The following CTDSPL variants were observed in gnomAD, a reference collection of about 807,000 sequenced individuals.
The protein encoded by CTDSPL is CTD small phosphatase-like protein.
A neutral mutation model predicts 30.5 loss-of-function variants in CTDSPL; 8 were observed. The ratio of observed to expected loss-of-function variants is 0.26; its 90% CI spans 0.15 to 0.47. CTDSPL has a LOEUF of 0.47. CTDSPL is among the 20% of genes least tolerant of loss of function. The pLI is 0.99. For synonymous variants in CTDSPL, 110 were observed against 137.9 expected, an observed-to-expected ratio of 0.80 and a Z score of 1.42; for missense variants, 248 against 366.1, an observed-to-expected ratio of 0.68 and a Z score of 2.63.
chr3:37,866,573 G>A (rs1424482369), intron 1 of CTDSPL, among the ~76,000 whole-genome samples: 5 of 152,148 alleles, frequency 3.3e-5, no homozygotes, highest in African/African-American at 1.2e-4. Context: ...TGAGGGAATT[G>A]AACAATAATA....
intron 1 of CTDSPL, among the ~76,000 whole-genome samples, chr3:37,913,503 T>C (rs955774214): frequency 1.3e-5 from 2 of 152,168 alleles, no homozygotes; most frequent in Non-Finnish European, 2.9e-5. Context: ...CCCTGCCTTT[T>C]TAACCTGGAA....
At chr3:37,864,371 C>T (rs115985357) in intron 1 of CTDSPL, among the ~76,000 whole-genome samples, 1,601 of 152,274 alleles carry the variant, frequency 0.011, 34 homozygotes, top group South Asian at 0.078. Context: ...AGTGCTTGTT[C>T]TATTCAACTT....
intron 1 of CTDSPL, among the ~76,000 whole-genome samples, chr3:37,922,056 AC>A (rs1425273227): frequency 6.6e-6 from 1 of 152,024 alleles, no homozygotes; most frequent in Non-Finnish European, 1.5e-5. Flanking sequence ...ACATGGTGAA[AC>A]CCCATCTCTA....
intron 1 of CTDSPL, among the ~76,000 whole-genome samples, chr3:37,899,777 G>A (rs1698428651): frequency 1.3e-5 from 2 of 152,182 alleles, no homozygotes; most frequent in Admixed American, 6.5e-5. Flanking sequence ...ATGGAGTATT[G>A]CAAAGTAGGT....
chr3:37,953,769 A>G (rs1224930267), intron 2 of CTDSPL, among the ~76,000 whole-genome samples: 1 of 152,254 alleles, frequency 6.6e-6, no homozygotes, highest in Non-Finnish European at 1.5e-5. Flanking sequence ...CAAAGAAGAA[A>G]ACTATACACG....
chr3:37,882,032 G>C (rs1246810453), intron 1 of CTDSPL, among the ~76,000 whole-genome samples: 1 of 152,152 alleles, frequency 6.6e-6, no homozygotes, highest in East Asian at 1.9e-4. Context: ...ATTAGGCCGG[G>C]CGTGGTGGCT....
At chr3:37,881,087 A>C (rs1031360004) in intron 1 of CTDSPL, among the ~76,000 whole-genome samples, 1 of 151,848 alleles carries the variant, frequency 6.6e-6, no homozygotes, top group African/African-American at 2.4e-5. Flanking sequence ...TTCAGCTTGG[A>C]AGAAGCTTCA....
chr3:37,872,794 C>T (rs747584666), intron 1 of CTDSPL, among the ~76,000 whole-genome samples: 3 of 151,954 alleles, frequency 2.0e-5, no homozygotes, highest in Non-Finnish European at 4.4e-5. Flanking sequence ...AGGATGGTCT[C>T]GATCTCTTGA....
intron 1 of CTDSPL, among the ~76,000 whole-genome samples, chr3:37,866,931 C>T (rs534034746): frequency 5.2e-4 from 79 of 152,262 alleles, no homozygotes; most frequent in Non-Finnish European, 9.0e-4. Context: ...AATTTACATG[C>T]AGTTTTAAGA....
intron 1 of CTDSPL, among the ~76,000 whole-genome samples, chr3:37,892,256 T>C (rs1698336379): frequency 6.6e-6 from 1 of 152,138 alleles, no homozygotes. Context: ...GTGCCTCAAT[T>C]TCCTGATTTG....
intron 1 of CTDSPL, among the ~76,000 whole-genome samples, chr3:37,865,875 C>G (rs900354479): frequency 6.6e-6 from 1 of 152,094 alleles, no homozygotes; most frequent in African/African-American, 2.4e-5. Context: ...GGCCACATGG[C>G]TACCCCTTGC....
At chr3:37,900,070 T>C (rs915358448) in intron 1 of CTDSPL, among the ~76,000 whole-genome samples, 9 of 152,186 alleles carry the variant, frequency 5.9e-5, no homozygotes, top group Admixed American at 2.0e-4. Context: ...CAATGAAATA[T>C]TGCCTCCCAT....
At position 37,981,240 on chromosome 3, in the gene CTDSPL, C is replaced by G. The variant is rs1699488555; in HGVS notation, c.*373C>G. ...CCAGCTCAGAGCAGCTGACCCAACTCAGAATCTCTTTCCTACAGGATGAAG... is the reference window on the plus strand; with the variant it reads ...CCAGCTCAGAGCAGCTGACCCAACTGAGAATCTCTTTCCTACAGGATGAAG... On this transcript the variant is annotated 3_prime_UTR_variant, in exon 8 of 8. Coordinates refer to ENST00000273179, the MANE Select transcript of CTDSPL (RefSeq NM_001008392.2). 1 of 163,192 alleles carries G rather than the reference C, an allele frequency of 6.1e-6. No homozygotes were observed. Among genetic ancestry groups the G allele is most frequent in the Non-Finnish European group, 1.3e-5 (1 of 75,018 alleles). The allele number at this position is 163,192 out of a possible 1,614,324, so 10.1% of individuals were successfully genotyped here.
chr3:37,927,790 G>T (rs1165742983), intron 1 of CTDSPL, among the ~76,000 whole-genome samples: 1 of 151,052 alleles, frequency 6.6e-6, no homozygotes, highest in African/African-American at 2.4e-5. Context: ...CAAATCTCTA[G>T]AATTTTTTTA....
chr3:37,906,732 T>G (rs1006140502), intron 1 of CTDSPL, among the ~76,000 whole-genome samples: 1 of 152,218 alleles, frequency 6.6e-6, no homozygotes, highest in African/African-American at 2.4e-5. Context: ...GCTGCTGTGC[T>G]GCCCACTCTA....
At chr3:37,915,997 C>T (rs779675819) in intron 1 of CTDSPL, among the ~76,000 whole-genome samples, 22 of 152,144 alleles carry the variant, frequency 1.4e-4, no homozygotes, top group Non-Finnish European at 2.6e-4. Context: ...TTGAGATGGC[C>T]TCTGAGAACG....
rs770442308 is a variant in CTDSPL, at chr3:37,971,399, C to G, written c.427-8C>G. 3.1e-6 allele frequency: 5 copies of G among 1,613,184 alleles called. No individual in the cohort carries two copies. The South Asian group carries it at 5.5e-5, about 18-fold the overall frequency. On this transcript the variant is annotated splice_region_variant and splice_polypyrimidine_tract_variant and intron_variant, in intron 5 of 7. Transcript: ENST00000273179. ...ATCTGACCAGCCTGCTGTCTCCTGC[C>G]ATTGCAGGTGTATGTGCTGAAGCGG... is the stretch of plus-strand genomic sequence containing the variant.
intron 1 of CTDSPL, among the ~76,000 whole-genome samples, chr3:37,864,468 T>A (rs1221423244): frequency 6.6e-6 from 1 of 152,202 alleles, no homozygotes; most frequent in African/African-American, 2.4e-5. Context: ...TGTTAACCGA[T>A]TAGAGGAATT....
chr3:37,968,374 A>G (rs374191717), intron 5 of CTDSPL: 8 of 363,224 alleles, frequency 2.2e-5, no homozygotes, highest in African/African-American at 8.6e-5. Flanking sequence ...AAAAAGGGGG[A>G]AGGGTGTGAG....
Sources: allele counts gnomAD v4.1 joint callset (sites outside exome capture counted in the v4.1 genomes callset), GRCh38; gene constraint gnomAD v4.1.1; transcripts MANE v1.5; gene names NCBI Gene and HGNC (gene_info 2026-07-23, HGNC 2026-07-21).